The following NR6A1 variants were observed in gnomAD, a reference collection of about 807,000 sequenced individuals.
NR6A1 encodes retinoic acid receptor-related testis-associated receptor.
Under a neutral mutation model 59.1 loss-of-function variants are expected in NR6A1, and 7 were observed. The ratio of observed to expected loss-of-function variants is 0.12; its 90% CI spans 0.07 to 0.22. The LOEUF is 0.22. Among genes scored for constraint, NR6A1 ranks in the 10% least tolerant of loss-of-function variants. The probability of loss-of-function intolerance (pLI) is 1.00; values close to 1 mark genes in which losing one functional copy is unlikely to be tolerated. For missense variants in NR6A1, 468 were observed against 611.6 expected (o/e 0.77, Z 2.48); for synonymous variants, 243 against 236.1 (o/e 1.03, Z -0.27).
chr9:124,581,802 G>A (rs1308909902), intron 2 of NR6A1, among the ~76,000 whole-genome samples: 1 of 152,130 alleles, frequency 6.6e-6, no homozygotes, highest in Non-Finnish European at 1.5e-5. Context: ...AGACATTTAT[G>A]AGCCGACAAA....
chr9:124,555,789 T>A (rs568108108), intron 2 of NR6A1, among the ~76,000 whole-genome samples: 2 of 152,376 alleles, frequency 1.3e-5, no homozygotes, highest in African/African-American at 4.8e-5. Context: ...GTGATTATAA[T>A]AATACCTATA....
intron 2 of NR6A1, among the ~76,000 whole-genome samples, chr9:124,713,080 T>C (rs1353504443): frequency 6.6e-6 from 1 of 152,076 alleles, no homozygotes; most frequent in Non-Finnish European, 1.5e-5. Flanking sequence ...ACCAATGGAA[T>C]AAAATAGGGA....
rs1288494091 is a variant in NR6A1, at chr9:124,691,734, T to C, written c.142+41574A>G. Among the ~76,000 whole-genome samples, 4 of 152,334 alleles carry C rather than the reference T, an allele frequency of 2.6e-5. No individual in the cohort carries two copies. The East Asian group carries it at 7.7e-4, about 29-fold the overall frequency. On this transcript the variant is annotated intron_variant, in intron 2 of 9. Transcript: ENST00000487099. ...TGCTTTTTCAATATGGAAAATAGCT[T>C]GTGGACTATCACTAACACCTCTGTG...
intron 2 of NR6A1, among the ~76,000 whole-genome samples, chr9:124,608,011 A>G (rs555575687): frequency 6.6e-6 from 1 of 152,316 alleles, no homozygotes; most frequent in South Asian, 2.1e-4. Flanking sequence ...GGTTGAGGCT[A>G]CAGTGAGCCG....
intron 2 of NR6A1, among the ~76,000 whole-genome samples, chr9:124,638,000 T>G (rs1031273691): frequency 6.6e-6 from 1 of 151,632 alleles, no homozygotes; most frequent in African/African-American, 2.4e-5. Flanking sequence ...ATCCCAGCAC[T>G]GTGGGAGGCT....
intron 2 of NR6A1, among the ~76,000 whole-genome samples, chr9:124,562,494 A>G (rs1291425369): frequency 6.6e-6 from 1 of 151,980 alleles, no homozygotes; most frequent in African/African-American, 2.4e-5. Context: ...TCACAGTTGC[A>G]GTCATACCAC....
intron 1 of NR6A1, among the ~76,000 whole-genome samples, chr9:124,745,007 T>C (rs1443022528): frequency 1.3e-5 from 2 of 152,246 alleles, no homozygotes; most frequent in South Asian, 2.1e-4. Flanking sequence ...AGAAAATGTT[T>C]ATCCCTCTGG....
At chr9:124,680,471 A>AAC (rs1838112883) in intron 2 of NR6A1, among the ~76,000 whole-genome samples, 1 of 152,190 alleles carries the variant, frequency 6.6e-6, no homozygotes, top group Non-Finnish European at 1.5e-5. Flanking sequence ...TTACAGTATG[A>AAC]ACACACACAA....
chr9:124,638,817 T>C (rs1836691008), intron 2 of NR6A1, among the ~76,000 whole-genome samples: 1 of 152,210 alleles, frequency 6.6e-6, no homozygotes, highest in African/African-American at 2.4e-5. Context: ...GTTTACCTCA[T>C]AGGATTTTTG....
At chr9:124,559,369 G>C (rs1237811170) in intron 2 of NR6A1, among the ~76,000 whole-genome samples, 1 of 152,160 alleles carries the variant, frequency 6.6e-6, no homozygotes, top group African/African-American at 2.4e-5. Flanking sequence ...TCTTTATATG[G>C]AGCCAAACCT....
At chr9:124,567,492 G>A (rs985241868) in intron 2 of NR6A1, among the ~76,000 whole-genome samples, 5 of 152,086 alleles carry the variant, frequency 3.3e-5, no homozygotes, top group African/African-American at 4.8e-5. Flanking sequence ...GGCCAGGTGC[G>A]GTAGCTCACA....
At chr9:124,696,353 C>T (rs1309949934) in intron 2 of NR6A1, among the ~76,000 whole-genome samples, 1 of 152,040 alleles carries the variant, frequency 6.6e-6, no homozygotes, top group Non-Finnish European at 1.5e-5. Flanking sequence ...AAGGTTATCT[C>T]AAAAAGGCAT....
intron 1 of NR6A1, among the ~76,000 whole-genome samples, chr9:124,754,870 C>T (rs1226811814): frequency 6.6e-6 from 1 of 152,162 alleles, no homozygotes; most frequent in Non-Finnish European, 1.5e-5. Context: ...TAAACTACCT[C>T]ATTTCATTCT....
intron 2 of NR6A1, among the ~76,000 whole-genome samples, chr9:124,706,625 C>A (rs1290873496): frequency 6.6e-6 from 1 of 152,072 alleles, no homozygotes; most frequent in Non-Finnish European, 1.5e-5. Flanking sequence ...GATTCTCCTG[C>A]CTCAGCCTCT....
chr9:124,586,670 A>T (rs1260082854), intron 2 of NR6A1, among the ~76,000 whole-genome samples: 6 of 152,110 alleles, frequency 3.9e-5, no homozygotes, highest in Non-Finnish European at 8.8e-5. Flanking sequence ...GCTGGTCCCC[A>T]AGTCCTGAGC....
intron 2 of NR6A1, among the ~76,000 whole-genome samples, chr9:124,643,903 T>C (rs1300983475): frequency 1.3e-5 from 2 of 152,164 alleles, no homozygotes; most frequent in Non-Finnish European, 2.9e-5. Context: ...TTCTGGGTTT[T>C]TTTGTTTTTG....
chr9:124,630,682 T>TTTTC (rs1250833861), intron 2 of NR6A1, among the ~76,000 whole-genome samples: 1 of 138,104 alleles, frequency 7.2e-6, no homozygotes, highest in African/African-American at 2.8e-5. Context: ...TTTTTTTTTT[T>TTTTC]TTTTTTTTTT....
intron 2 of NR6A1, among the ~76,000 whole-genome samples, chr9:124,615,624 C>CT (rs527252555): frequency 9.2e-4 from 134 of 145,866 alleles, no homozygotes; most frequent in African/African-American, 2.3e-3. Context: ...GGGTTTTTGC[C>CT]TTTTTTTTTT....
chr9:124,663,518 C>T (rs1837512172), intron 2 of NR6A1, among the ~76,000 whole-genome samples: 1 of 152,046 alleles, frequency 6.6e-6, no homozygotes, highest in African/African-American at 2.4e-5. Flanking sequence ...AATATCAATC[C>T]CTTCCTGCCA....
Sources: allele counts gnomAD v4.1 joint callset (sites outside exome capture counted in the v4.1 genomes callset), GRCh38; gene constraint gnomAD v4.1.1; transcripts MANE v1.5; gene names NCBI Gene and HGNC (gene_info 2026-07-23, HGNC 2026-07-21).